Variants in EOMES observed in about 807,000 individuals in gnomAD.
EOMES encodes eomesodermin homolog.
EOMES carries 18 observed loss-of-function variants against 61.0 expected under a neutral mutation model. The ratio of observed to expected loss-of-function variants is 0.30; its 90% CI spans 0.20 to 0.44. EOMES has a LOEUF of 0.44. Ranked by LOEUF, EOMES falls within the 20% of genes least tolerant of loss-of-function variation. EOMES has a pLI of 1.00. For missense variants in EOMES, 885 were observed against 939.2 expected (o/e 0.94, Z 0.75); for synonymous variants, 430 against 394.0 (o/e 1.09, Z -1.08).
Position 27,716,129 on chromosome 3 carries a change from AAGTT to A in EOMES, c.*937_*940del, listed in dbSNP as rs1471284031. On this transcript the variant is annotated 3_prime_UTR_variant, in exon 6 of 6. Coordinates refer to ENST00000449599, the MANE Select transcript of EOMES (RefSeq NM_001278182.2). ...TAGGAGTTTTCCTTAAACACGGTTC[AAGTT>A]AGTACATAGTAGCTGAATACATTCT... 1.3e-5 allele frequency: 2 copies of A among 152,208 alleles called. No homozygotes were observed. The highest frequency in any genetic ancestry group is 1.5e-5 in the Non-Finnish European group (1 of 68,038). 9.4% of individuals were successfully genotyped at this position (152,208 alleles called of 1,614,324 possible). A position where few individuals can be genotyped will look rare whatever the true frequency, so the allele number is the denominator to read the frequency against.
intron 2 of EOMES, 95 bp from the exon 3 acceptor site, chr3:27,719,576 A>G (rs2060594964): frequency 1.7e-6 from 2 of 1,152,670 alleles, no homozygotes; most frequent in South Asian, 1.4e-5. Context: ...TGAGCAAGAT[A>G]TAAGAGCTAG....
Position 27,717,691 on chromosome 3 carries a change from A to C in EOMES, c.1497T>G (p.Phe499Leu). 4.3e-6 allele frequency: 7 copies of C among 1,614,060 alleles called. No individual in the cohort carries two copies. Among genetic ancestry groups the C allele is most frequent in the Non-Finnish European group, 5.9e-6 (7 of 1,180,018 alleles). ...AGCGGGCTTGAGGTAAAGTGTTGAC[A>C]AAGGGCTCCGGGAAGAAGGATTGAA... ...YGVQSFFPEPFVNTLPQARYY... is the reference protein window; with the variant it reads ...YGVQSFFPEPLVNTLPQARYY... The change falls in exon 6 of 6, where the codon TTT becomes TTG. Residue 499 changes from phenylalanine (F) to leucine (L), a missense_variant. Physicochemically the swap from Phe to Leu is conservative, Grantham distance 22. This residue lies in a region of EOMES where 259 missense variants were observed against 282.3 expected (regional missense o/e 0.92). Coordinates refer to ENST00000449599, the MANE Select transcript of EOMES (RefSeq NM_001278182.2). The surrounding 1 kb of genome is among the most constrained non-coding windows in gnomAD (Gnocchi z 4.5).
chr3:27,718,932 G>T (rs762785551), intron 3 of EOMES, 39 bp from the exon 4 acceptor site: 29 of 1,480,382 alleles, frequency 2.0e-5, no homozygotes, highest in Non-Finnish European at 2.4e-5. Flanking sequence ...AATCTAAAAA[G>T]CCTCTTAGTG....
In EOMES at chr3:27,717,158, A is replaced by G; in HGVS notation, c.2030T>C (p.Ile677Thr). The G allele has an allele frequency of 1.2e-6, 2 of 1,613,018 alleles. No individual in the cohort carries two copies. Among genetic ancestry groups the G allele is most frequent in the Non-Finnish European group, 1.7e-6 (2 of 1,178,946 alleles). ...TTCAGCATTAATGTCCTCACACTTT[A>G]TGGAGGGTGAATTTTCATTACTGGA... ...SNSSNENSPS[I>T]KCEDINAEEY... Residue 677 changes from isoleucine (I) to threonine (T), a missense_variant, in exon 6 of 6, where the codon ATA becomes ACA. Transcript: ENST00000449599. The surrounding 1 kb of genome is among the most constrained non-coding windows in gnomAD (Gnocchi z 4.5).
At position 27,717,131 on chromosome 3, in the gene EOMES, T is replaced by A. The variant is rs1417195061; in HGVS notation, c.2057A>T (p.Glu686Val). 1.9e-6 allele frequency: 3 copies of A among 1,612,076 alleles called. No individual in the cohort carries two copies. The change falls in exon 6 of 6, where the codon GAG becomes GTG. Residue 686 changes from glutamate (E) to valine (V), a missense_variant. Coordinates refer to ENST00000449599, the MANE Select transcript of EOMES (RefSeq NM_001278182.2). This position sits in a 1 kb window ranked among gnomAD's most constrained non-coding sequence, Gnocchi z 4.5. Reference protein sequence around the residue: ...SIKCEDINAEEYSKDTSKGMG... With the variant: ...SIKCEDINAEVYSKDTSKGMG... ...GCCTTTTGAGGTGTCTTTACTATAC[T>A]CTTCAGCATTAATGTCCTCACACTT...
intron 2 of EOMES, 50 bp downstream of exon 2, chr3:27,720,120 AC>A: frequency 6.7e-7 from 1 of 1,501,542 alleles, no homozygotes; most frequent in African/African-American, 1.4e-5. Context: ...GTCGAGGGTT[AC>A]GATTTCTTCC....
At position 27,717,717 on chromosome 3, in the gene EOMES, C is replaced by T. The variant is rs201822269; in HGVS notation, c.1471G>A (p.Val491Ile). 72 of 1,613,702 alleles carry T rather than the reference C, an allele frequency of 4.5e-5. No homozygotes were observed. Among genetic ancestry groups the T allele is most frequent in the Admixed American group, 1.2e-4 (7 of 59,966 alleles). The change falls in exon 6 of 6, where the codon GTT (valine) becomes ATT (isoleucine). Residue 491 changes from valine (V) to isoleucine (I), a missense_variant. Coordinates refer to ENST00000449599, the MANE Select transcript of EOMES (RefSeq NM_001278182.2). This position sits in a 1 kb window ranked among gnomAD's most constrained non-coding sequence, Gnocchi z 4.5. ...HQIVPGGRYG[V>I]QSFFPEPFVN... ...AAGGGCTCCGGGAAGAAGGATTGAACGCCGTACCGACCTCCAGGGACAATC... is the reference window on the plus strand; with the variant it reads ...AAGGGCTCCGGGAAGAAGGATTGAATGCCGTACCGACCTCCAGGGACAATC...
Position 27,717,908 on chromosome 3 carries a change from TAC to T in EOMES, c.1380-102_1380-101del. The T allele has an allele frequency of 1.1e-6, 1 of 888,340 alleles. No individual in the cohort carries two copies. Among genetic ancestry groups the T allele is most frequent in the Non-Finnish European group, 1.7e-6 (1 of 604,848 alleles). The allele number at this position is 888,340 out of a possible 1,614,324, so 55.0% of individuals were successfully genotyped here. ...ATGAAAAAGGCTTGTGTTGGTTATC[TAC>T]ACCGAAAGTGCTGGTCTGTTGGGCT... On this transcript the variant is annotated intron_variant, in intron 5 of 5. Coordinates refer to ENST00000449599, the MANE Select transcript of EOMES (RefSeq NM_001278182.2). This position sits in a 1 kb window ranked among gnomAD's most constrained non-coding sequence, Gnocchi z 4.5.
Position 27,721,901 on chromosome 3 carries a change from C to T in EOMES, c.394G>A (p.Ala132Thr). 1.4e-6 allele frequency: 2 copies of T among 1,420,964 alleles called. No individual in the cohort carries two copies. The highest frequency in any genetic ancestry group is 6.3e-5 in the East Asian group (2 of 31,950). The allele number at this position is 1,420,964 out of a possible 1,614,324, so 88.0% of individuals were successfully genotyped here. The change falls in exon 1 of 6, where the codon GCG becomes ACG. Residue 132 changes from alanine to threonine, a missense_variant. Ala to Thr is a moderately conservative substitution (Grantham distance 58, BLOSUM62 0). Transcript: ENST00000449599. The surrounding 1 kb of genome is among the most constrained non-coding windows in gnomAD (Gnocchi z 7.4). Reference sequence around the variant, plus strand: ...CTCAGGCTGTCCATGGAGTAGCGCGCAGTGGCCGCAGCCGCGGCGGCGGCG... The same window carrying T: ...CTCAGGCTGTCCATGGAGTAGCGCGTAGTGGCCGCAGCCGCGGCGGCGGCG... ...AAAAAAAAAT[A>T]RYSMDSLSSE... is the part of the protein sequence containing the mutation.
chr3:27,720,386 A>T (rs2060602272), intron 1 of EOMES, 61 bp from the exon 2 acceptor site: 3 of 1,490,004 alleles, frequency 2.0e-6, no homozygotes, highest in African/African-American at 1.4e-5. Flanking sequence ...GAACAGGCCC[A>T]GGCCCCAGCG....
In EOMES at chr3:27,718,786, A is replaced by T. The variant is rs1460868227; in HGVS notation, c.1266T>A (p.Phe422Leu). The change falls in exon 4 of 6, where the codon TTT (phenylalanine) becomes TTA (leucine). Residue 422 changes from phenylalanine to leucine, a missense_variant. This residue lies in a region of EOMES where 177 missense variants were observed against 273.3 expected (regional missense o/e 0.65). Coordinates refer to ENST00000449599, the MANE Select transcript of EOMES (RefSeq NM_001278182.2). ...CAATGAATTGCGTTTCTGAGAAGGTAAAAGTCTGGGTCTTTGAGGGCTCAT... is the reference window on the plus strand; with the variant it reads ...CAATGAATTGCGTTTCTGAGAAGGTTAAAGTCTGGGTCTTTGAGGGCTCAT... Reference protein sequence around the residue: ...DLNEPSKTQTFTFSETQFIAV... With the variant: ...DLNEPSKTQTLTFSETQFIAV... 3 of 1,614,186 alleles carry T rather than the reference A, an allele frequency of 1.9e-6. No homozygotes were observed. The highest frequency in any genetic ancestry group is 2.5e-6 in the Non-Finnish European group (3 of 1,180,020).
At chr3:27,722,369 G>A, upstream of EOMES, 1 of 1,389,186 alleles carries the variant, frequency 7.2e-7, no homozygotes, top group Non-Finnish European at 9.3e-7. Flanking sequence ...GGATGGGGGA[G>A]CCAGCGCCCT....
chr3:27,720,084 G>T, intron 2 of EOMES, 87 bp downstream of exon 2: 1 of 1,301,664 alleles, frequency 7.7e-7, no homozygotes, highest in Non-Finnish European at 1.1e-6. Flanking sequence ...AAAAAAAAGT[G>T]CTACATTTAA....
Position 27,717,590 on chromosome 3 carries a change from G to C in EOMES, c.1598C>G (p.Pro533Arg), listed in dbSNP as rs1202663970. Residue 533 changes from proline (P) to arginine (R), a missense_variant, in exon 6 of 6, where the codon CCT becomes CGT. Transcript: ENST00000449599. This position sits in a 1 kb window ranked among gnomAD's most constrained non-coding sequence, Gnocchi z 4.5. ...AGGCGTGACAAGCCACCGCTGGGGA[G>C]GGTTGGCCACCTCTTCGCTCTGTTG... ...SPQQSEEVANPPQRWLVTPVQ... is the reference protein window; with the variant it reads ...SPQQSEEVANRPQRWLVTPVQ... 4 of 1,614,184 alleles carry C rather than the reference G, an allele frequency of 2.5e-6. No individual in the cohort carries two copies. The South Asian group carries it at 4.4e-5, about 18-fold the overall frequency.
Position 27,722,176 on chromosome 3 carries a change from G to T in EOMES, c.119C>A (p.Ala40Asp), listed in dbSNP as rs766144654. 1 of 1,590,754 alleles carries T rather than the reference G, an allele frequency of 6.3e-7. No individual in the cohort carries two copies. Among genetic ancestry groups the T allele is most frequent in the East Asian group, 2.3e-5 (1 of 43,852 alleles). The change falls in exon 1 of 6, where the codon GCC (alanine) becomes GAC (aspartate). Residue 40 changes from alanine to aspartate, a missense_variant. Coordinates refer to ENST00000449599, the MANE Select transcript of EOMES (RefSeq NM_001278182.2). ...TAAGTCCAACTTCTGAGGAGAGGGG[G>T]CCGCGCTGGGGAGGTGGCCAGCGCT... ...GGSAGHLPSA[A>D]PSPQKLDLDK...
chr3:27,717,688 G>C lies in EOMES; in HGVS notation c.1500C>G (p.Val500=). ...GVQSFFPEPF[V]NTLPQARYYN... ...AATAGCGGGCTTGAGGTAAAGTGTT[G>C]ACAAAGGGCTCCGGGAAGAAGGATT... The change falls in exon 6 of 6, where the codon GTC becomes GTG. Residue 500 remains valine, a synonymous_variant. Coordinates refer to ENST00000449599, the MANE Select transcript of EOMES (RefSeq NM_001278182.2). The surrounding 1 kb of genome is among the most constrained non-coding windows in gnomAD (Gnocchi z 4.5). The C allele has an allele frequency of 6.2e-7, 1 of 1,614,056 alleles. No homozygotes were observed. The highest frequency in any genetic ancestry group is 1.7e-5 in the Admixed American group (1 of 60,012).
chr3:27,720,531 CAAAAAAAAAAAAAAAAAAAAAAAA>C lies in EOMES; in HGVS notation c.882-230_882-207del, dbSNP rs757181277. On this transcript the variant is annotated intron_variant, in intron 1 of 5. Coordinates refer to ENST00000449599, the MANE Select transcript of EOMES (RefSeq NM_001278182.2). ...AACTCTTGGAACCTTTCCGTCTTTT[CAAAAAAAAAAAAAAAAAAAAAAAA>C]AAAAAAAAAAAAAAAAGCTTGCCCC... Among the ~76,000 whole-genome samples the C allele has an allele frequency of 3.0e-4, 19 of 62,318 alleles. 1 individual carries two copies. Among genetic ancestry groups the C allele is most frequent in the South Asian group, 2.2e-3 (3 of 1,388 alleles). The allele number at this position is 62,318 out of a possible 152,430, so 40.9% of individuals were successfully genotyped here.
chr3:27,721,977 G>C lies in EOMES; in HGVS notation c.318C>G (p.Gly106=), dbSNP rs2125404345. Residue 106 remains glycine (G), a synonymous_variant, in exon 1 of 6, where the codon GGC becomes GGG. Transcript: ENST00000449599. This position sits in a 1 kb window ranked among gnomAD's most constrained non-coding sequence, Gnocchi z 7.4. ...GCAGCTCCTCCTCCCCGCAGGGGGA[G>C]CCCTTGCGGCCGTCCGGGGGCCCCG... ...AKPGPPDGRK[G]SPCGEEELPS... 6.9e-7 allele frequency: 1 copy of C among 1,452,782 alleles called. No individual in the cohort carries two copies. The allele number at this position is 1,452,782 out of a possible 1,614,324, so 90.0% of individuals were successfully genotyped here. A position where few individuals can be genotyped will look rare whatever the true frequency, so the allele number is the denominator to read the frequency against.
At position 27,718,735 on chromosome 3, in the gene EOMES, A is replaced by T; in HGVS notation, c.1317T>A (p.Asp439Glu). 6.2e-7 allele frequency: 1 copy of T among 1,614,168 alleles called. No homozygotes were observed. Among genetic ancestry groups the T allele is most frequent in the East Asian group, 2.2e-5 (1 of 44,886 alleles). Residue 439 changes from aspartate to glutamate, a missense_variant and splice_region_variant, in exon 4 of 6, where the codon GAT becomes GAA. Physicochemically the swap from Asp to Glu is conservative, Grantham distance 45. This residue lies in a region of EOMES where 177 missense variants were observed against 273.3 expected (regional missense o/e 0.65). Coordinates refer to ENST00000449599, the MANE Select transcript of EOMES (RefSeq NM_001278182.2). Reference sequence around the variant, plus strand: ...TTCTTGAGATGTCTGGGACACTCACATCGGTGTTTTGGTAGGCAGTCACTG... The same window carrying T: ...TTCTTGAGATGTCTGGGACACTCACTTCGGTGTTTTGGTAGGCAGTCACTG... ...FIAVTAYQNT[D>E]ITQLKIDHNP...
Sources: gnomAD v4.1 joint callset for allele counts (sites outside exome capture counted in the v4.1 genomes callset) on GRCh38, gnomAD v4.1.1 for gene constraint, gnomAD v4.1.1 regional missense constraint, Gnocchi (gnomAD v3.1) non-coding constraint, MANE v1.5 for transcripts, NCBI Gene and HGNC (gene_info 2026-07-23, HGNC 2026-07-21) for gene names.